ST3GAL5: variants seen among roughly 807,000 people sequenced by gnomAD.
ST3GAL5 encodes the protein lactosylceramide alpha-2,3-sialyltransferase.
Under a neutral mutation model 46.1 loss-of-function variants are expected in ST3GAL5, and 25 were observed. The observed-to-expected ratio is 0.54, with a 90% CI of 0.40 to 0.76. The LOEUF (loss-of-function observed/expected upper bound fraction) is 0.76, where lower values mean the gene tolerates loss of function less well. ST3GAL5 is among the 30% of genes least tolerant of loss of function. The probability of loss-of-function intolerance (pLI) is 0.00; values close to 1 mark genes in which losing one functional copy is unlikely to be tolerated. For missense variants in ST3GAL5, 431 were observed against 521.2 expected (o/e 0.83, Z 1.69); for synonymous variants, 182 against 192.7 (o/e 0.94, Z 0.46).
At chr2:85,843,476 T>C (rs1045859619) in intron 6 of ST3GAL5, among the ~76,000 whole-genome samples, 3 of 152,260 alleles carry the variant, frequency 2.0e-5, no homozygotes, top group Admixed American at 1.3e-4. Context: ...TTTTATTTGA[T>C]TATTGGTAAA....
chr2:85,864,394 G>T (rs1407574992), intron 1 of ST3GAL5, among the ~76,000 whole-genome samples: 1 of 152,016 alleles, frequency 6.6e-6, no homozygotes, highest in African/African-American at 2.4e-5. Flanking sequence ...TCTGCTTCAA[G>T]AACTCAGGAA....
At position 85,839,035 on chromosome 2, in the gene ST3GAL5, C is replaced by T. The variant is rs1228549022; in HGVS notation, c.*1109G>A. 6.6e-6 allele frequency: 1 copy of T among 152,278 alleles called. No individual in the cohort carries two copies. The highest frequency in any genetic ancestry group is 1.5e-5 in the Non-Finnish European group (1 of 68,094). The allele number at this position is 152,278 out of a possible 1,614,324, so 9.4% of individuals were successfully genotyped here. On this transcript the variant is annotated 3_prime_UTR_variant, in exon 7 of 7. Transcript: ENST00000638572. ...TTGCAGGACCAGGTGCCTTAATTCTCTGTCCCTCACTACTGGCATCCACAG... is the reference window on the plus strand; with the variant it reads ...TTGCAGGACCAGGTGCCTTAATTCTTTGTCCCTCACTACTGGCATCCACAG...
intron 1 of ST3GAL5, among the ~76,000 whole-genome samples, chr2:85,876,908 C>T (rs1686643393): frequency 6.6e-6 from 1 of 152,152 alleles, no homozygotes; most frequent in South Asian, 2.1e-4. Flanking sequence ...GCCACAGCAC[C>T]CAAGACCTGG....
intron 1 of ST3GAL5, among the ~76,000 whole-genome samples, chr2:85,882,429 C>T (rs1314713591): frequency 3.9e-5 from 6 of 152,178 alleles, no homozygotes; most frequent in South Asian, 2.1e-4. Context: ...GGAGGGAGGG[C>T]GTAACCTGCA....
At chr2:85,844,681 T>C in intron 5 of ST3GAL5, 127 bp from the exon 6 acceptor site, 1 of 1,297,446 alleles carries the variant, frequency 7.7e-7, no homozygotes, top group Non-Finnish European at 1.1e-6. Context: ...TGAAGCAATC[T>C]ACTCCTATAG....
At chr2:85,882,755 C>A (rs1049857305) in intron 1 of ST3GAL5, among the ~76,000 whole-genome samples, 19 of 150,182 alleles carry the variant, frequency 1.3e-4, no homozygotes, top group African/African-American at 4.4e-4. Flanking sequence ...ATCACTTGAA[C>A]CCAGGAGGCG....
chr2:85,880,343 T>C (rs920401578), intron 1 of ST3GAL5, among the ~76,000 whole-genome samples: 1 of 152,358 alleles, frequency 6.6e-6, no homozygotes, highest in East Asian at 1.9e-4. Context: ...AACTAAAACA[T>C]ATAATTTTCT....
intron 1 of ST3GAL5, chr2:85,887,618 AATGTT>A (rs1687895974): frequency 6.6e-6 from 1 of 152,274 alleles, no homozygotes; most frequent in African/African-American, 2.4e-5. Flanking sequence ...TGTTACTAGC[AATGTT>A]AGACACTCCT....
intron 1 of ST3GAL5, among the ~76,000 whole-genome samples, chr2:85,869,495 G>A (rs561938413): frequency 1.3e-5 from 2 of 151,748 alleles, no homozygotes; most frequent in Admixed American, 1.3e-4. Context: ...TGAAATTTAA[G>A]CTATGAAAAG....
At chr2:85,850,278 G>A (rs940778769) in intron 3 of ST3GAL5, 1 of 152,248 alleles carries the variant, frequency 6.6e-6, no homozygotes, top group African/African-American at 2.4e-5. Flanking sequence ...ATGGCACCTT[G>A]CAAGACGATC....
chr2:85,863,087 C>T (rs1490320796), intron 2 of ST3GAL5, among the ~76,000 whole-genome samples: 3 of 152,194 alleles, frequency 2.0e-5, no homozygotes, highest in Non-Finnish European at 2.9e-5. Context: ...GAGCAGTGCA[C>T]GGTGAGAGCT....
chr2:85,843,806 G>T (rs1194223372), intron 6 of ST3GAL5, among the ~76,000 whole-genome samples: 2 of 152,194 alleles, frequency 1.3e-5, no homozygotes, highest in Non-Finnish European at 2.9e-5. Flanking sequence ...AGAGCACAAA[G>T]TTCCCAAATT....
intron 4 of ST3GAL5, chr2:85,847,657 G>A (rs1033645842): frequency 6.1e-6 from 8 of 1,318,668 alleles, no homozygotes; most frequent in Non-Finnish European, 5.9e-6. Flanking sequence ...AATTAGCCAC[G>A]CGTGGTGTGT....
At chr2:85,849,070 C>T (rs1402957163) in intron 3 of ST3GAL5, 2 of 152,318 alleles carry the variant, frequency 1.3e-5, no homozygotes, top group Non-Finnish European at 2.9e-5. Flanking sequence ...CCAGGAGCTG[C>T]GTGAATGCAA....
At chr2:85,869,200 C>A (rs1004693298) in intron 1 of ST3GAL5, among the ~76,000 whole-genome samples, 2 of 152,116 alleles carry the variant, frequency 1.3e-5, no homozygotes, top group South Asian at 2.1e-4. Context: ...TAGGCATGTG[C>A]CATTGCACCC....
intron 1 of ST3GAL5, chr2:85,870,205 C>A (rs559380105): frequency 6.4e-6 from 3 of 470,886 alleles, no homozygotes; most frequent in South Asian, 3.1e-5. Context: ...CACTAGAATG[C>A]AGATTCCATG....
intron 3 of ST3GAL5, chr2:85,854,136 TC>T (rs1363550910): frequency 6.6e-6 from 1 of 152,154 alleles, no homozygotes; most frequent in Non-Finnish European, 1.5e-5. Context: ...TTTACTTATT[TC>T]CGTATTACTT....
In ST3GAL5 at chr2:85,861,292, T is replaced by C; in HGVS notation, c.207A>G (p.Lys69=). Reference sequence around the variant, plus strand: ...ACACTCCAAACACAAGCAATGTACATCTGGAAAAAAATCAATTAGGTATTA... The same window carrying C: ...ACACTCCAAACACAAGCAATGTACACCTGGAAAAAAATCAATTAGGTATTA... ...RPSLLLKDIL[K]CTLLVFGVWI... is the part of the protein sequence containing the mutation. The change falls in exon 3 of 7, where the codon AAA becomes AAG. Residue 69 remains lysine, a splice_region_variant and synonymous_variant. Transcript: ENST00000638572. 1 of 1,591,886 alleles carries C rather than the reference T, an allele frequency of 6.3e-7. No homozygotes were observed. The highest frequency in any genetic ancestry group is 8.6e-7 in the Non-Finnish European group (1 of 1,160,134).
rs970633384 is a variant in ST3GAL5 at position 85,837,772 on chromosome 2, G to A, written c.*2372C>T. On this transcript the variant is annotated 3_prime_UTR_variant, in exon 7 of 7. Transcript: ENST00000638572. The stretch of plus-strand genomic sequence containing the variant: ...TTTTCTGCAGCTCAAAGTTCTAGAA[G>A]CATGTTAAAATACAGAACATGTGTA... 9.2e-5 allele frequency: 14 copies of A among 152,184 alleles called. No individual in the cohort carries two copies. The highest frequency in any genetic ancestry group is 1.2e-4 in the Non-Finnish European group (8 of 68,018). The allele number at this position is 152,184 out of a possible 1,614,324, so 9.4% of individuals were successfully genotyped here.
Sources: gnomAD v4.1 joint callset for allele counts (sites outside exome capture counted in the v4.1 genomes callset) on GRCh38, gnomAD v4.1.1 for gene constraint, MANE v1.5 for transcripts, NCBI Gene and HGNC (gene_info 2026-07-23, HGNC 2026-07-21) for gene names.